The following TMC2 variants were observed in gnomAD, a reference collection of about 807,000 sequenced individuals.
TMC2 encodes transmembrane channel-like protein 2.
Under a neutral mutation model 105.9 loss-of-function variants are expected in TMC2, and 102 were observed. The observed-to-expected ratio is 0.96, with a 90% CI of 0.82 to 1.14. The LOEUF (loss-of-function observed/expected upper bound fraction) is 1.14. Among genes scored for constraint, TMC2 ranks in the 50% most tolerant of loss-of-function variants. TMC2 has a pLI of 0.00. For synonymous variants in TMC2, 402 were observed against 422.8 expected, an observed-to-expected ratio of 0.95 and a Z score of 0.60; for missense variants, 1,093 against 1,134.3, an observed-to-expected ratio of 0.96 and a Z score of 0.52.
At chr20:2,583,333 G>T (rs1272908227) in intron 7 of TMC2, among the ~76,000 whole-genome samples, 9 of 152,168 alleles carry the variant, frequency 5.9e-5, no homozygotes, top group Non-Finnish European at 4.4e-5. Context: ...TCTTGGTTTG[G>T]GTGCTTTAAT....
intron 12 of TMC2, among the ~76,000 whole-genome samples, chr20:2,611,741 CAGA>C (rs2086439717): frequency 6.6e-6 from 1 of 152,092 alleles, no homozygotes; most frequent in Non-Finnish European, 1.5e-5. Flanking sequence ...TTTATATGCA[CAGA>C]AGAAGCCCTG....
intron 2 of TMC2, among the ~76,000 whole-genome samples, chr20:2,551,830 A>T (rs779808567): frequency 8.5e-5 from 13 of 152,156 alleles, no homozygotes; most frequent in Non-Finnish European, 1.5e-4. Flanking sequence ...CATCCCATTG[A>T]TCTAATTCTC....
rs753655502 is a variant in TMC2 at position 2,624,347 on chromosome 20, G to T, written c.2257G>T (p.Ala753Ser). The change falls in exon 17 of 20, where the codon GCT (alanine) becomes TCT (serine). Residue 753 changes from alanine to serine, a missense_variant. By Grantham distance (99) the Ala-to-Ser change is moderately conservative. Transcript: ENST00000358864. ...CCCAACCTTCCTGGGCAAGATCTTTGCTTTCCTCGCCAATCCAGGCCTGAT... is the reference window on the plus strand; with the variant it reads ...CCCAACCTTCCTGGGCAAGATCTTTTCTTTCCTCGCCAATCCAGGCCTGAT... ...DFPTFLGKIF[A>S]FLANPGLIIP... 3.1e-6 allele frequency: 5 copies of T among 1,614,030 alleles called. No individual in the cohort carries two copies. Among genetic ancestry groups the T allele is most frequent in the Non-Finnish European group, 4.2e-6 (5 of 1,180,024 alleles).
chr20:2,538,178 G>A (rs778058608), intron 2 of TMC2, among the ~76,000 whole-genome samples: 5 of 151,932 alleles, frequency 3.3e-5, no homozygotes, highest in Non-Finnish European at 5.9e-5. Context: ...CTGCTGTCTG[G>A]TTGTCGGGAG....
Position 2,545,904 on chromosome 20 carries a change from GA to G in TMC2, c.82+8595del, listed in dbSNP as rs745736188. 4.1e-3 allele frequency among the ~76,000 whole-genome samples: 442 copies of G among 106,948 alleles called. 3 individuals carry two copies. Among genetic ancestry groups the G allele is most frequent in the African/African-American group, 0.015 (410 of 27,680 alleles). 70.2% of individuals were successfully genotyped at this position (106,948 alleles called of 152,430 possible). A position where few individuals can be genotyped will look rare whatever the true frequency, so the allele number is the denominator to read the frequency against. ...AAAAGAAAGAAATGAAAGAAAGAAAGAAAAAAAGAAAGAAATGAAAGAAAGA... is the reference window on the plus strand; with the variant it reads ...AAAAGAAAGAAATGAAAGAAAGAAAGAAAAAAGAAAGAAATGAAAGAAAGA... On this transcript the variant is annotated intron_variant, in intron 2 of 19. Coordinates refer to ENST00000358864, the MANE Select transcript of TMC2 (RefSeq NM_080751.3).
chr20:2,570,278 T>C (rs115864651), intron 4 of TMC2, among the ~76,000 whole-genome samples: 1,707 of 152,254 alleles, frequency 0.011, 33 homozygotes, highest in African/African-American at 0.039. Flanking sequence ...CTGGAATTGA[T>C]AAAAGACTTC....
chr20:2,613,225 T>C lies in TMC2; in HGVS notation c.1775T>C (p.Leu592Pro), dbSNP rs150900191. 134 of 1,614,008 alleles carry C rather than the reference T, an allele frequency of 8.3e-5. No homozygotes were observed. Among genetic ancestry groups the C allele is most frequent in the Non-Finnish European group, 1.1e-4 (132 of 1,179,886 alleles). ...EFMRLTVSDM[L>P]VTYITILLGD... ...ATGAGGCTGACGGTGTCTGACATGC[T>C]GGTAACGTACATCACCATCCTGCTG... Residue 592 changes from leucine to proline, a missense_variant, in exon 14 of 20, where the codon CTG becomes CCG. Leu to Pro is a moderately conservative substitution (Grantham distance 98). Transcript: ENST00000358864.
Position 2,558,494 on chromosome 20 carries a change from C to G in TMC2, c.121C>G (p.Leu41Val), listed in dbSNP as rs867124053. ...AAGGAGATCCTCAAGCAAGCGGGCT[C>G]TCAAAGCCGAGGGGACCCCAGGCAG... is the stretch of plus-strand genomic sequence containing the variant. ...LGRRSSSKRA[L>V]KAEGTPGRRG... Residue 41 changes from leucine to valine, a missense_variant, in exon 3 of 20, where the codon CTC (leucine) becomes GTC (valine). Physicochemically the swap from Leu to Val is conservative, Grantham distance 32 (BLOSUM62 1). Coordinates refer to ENST00000358864, the MANE Select transcript of TMC2 (RefSeq NM_080751.3). This position sits in a 1 kb window ranked among gnomAD's most constrained non-coding sequence, Gnocchi z 4.6. The G allele has an allele frequency of 3.2e-6, 5 of 1,558,948 alleles. No individual in the cohort carries two copies. The highest frequency in any genetic ancestry group is 4.3e-6 in the Non-Finnish European group (5 of 1,151,594).
intron 16 of TMC2, 76 bp downstream of exon 16, chr20:2,617,387 AG>A: frequency 6.4e-7 from 1 of 1,571,968 alleles, no homozygotes; most frequent in Non-Finnish European, 8.7e-7. Flanking sequence ...CCAGAATTCC[AG>A]TTCTGGTTTC....
At chr20:2,578,643 T>C (rs1178590787) in intron 5 of TMC2, among the ~76,000 whole-genome samples, 1 of 152,204 alleles carries the variant, frequency 6.6e-6, no homozygotes, top group African/African-American at 2.4e-5. Flanking sequence ...AGGAGAAGAA[T>C]GTTCAGCTAT....
chr20:2,640,821 CG>C (rs1005818034), intron 19 of TMC2, among the ~76,000 whole-genome samples: 4 of 152,150 alleles, frequency 2.6e-5, no homozygotes, highest in Non-Finnish European at 5.9e-5. Flanking sequence ...CTTTTGACCC[CG>C]GCAGTCACCC....
intron 5 of TMC2, among the ~76,000 whole-genome samples, chr20:2,573,298 T>C (rs2086116209): frequency 6.6e-6 from 1 of 152,122 alleles, no homozygotes; most frequent in Non-Finnish European, 1.5e-5. Context: ...CAATATTTAG[T>C]TTTCACATCT....
chr20:2,545,213 A>C (rs902279467), intron 2 of TMC2, among the ~76,000 whole-genome samples: 1 of 152,150 alleles, frequency 6.6e-6, no homozygotes, highest in Admixed American at 6.6e-5. Context: ...TCTCAAAAAT[A>C]AGTAAATACA....
At chr20:2,556,910 T>G (rs1004264140) in intron 2 of TMC2, among the ~76,000 whole-genome samples, 3 of 151,692 alleles carry the variant, frequency 2.0e-5, no homozygotes, top group Non-Finnish European at 4.4e-5. Context: ...ATCACTCTAC[T>G]CTCTTAACTT....
intron 7 of TMC2, among the ~76,000 whole-genome samples, chr20:2,584,317 G>A (rs1181946241): frequency 7.0e-6 from 1 of 143,088 alleles, no homozygotes; most frequent in Non-Finnish European, 1.5e-5. Context: ...AGTGGCGGGT[G>A]CCTGTGGTCC....
chr20:2,609,812 G>T (rs984955533), intron 11 of TMC2, among the ~76,000 whole-genome samples: 1 of 152,096 alleles, frequency 6.6e-6, no homozygotes, highest in Non-Finnish European at 1.5e-5. Context: ...GCAATTTGCA[G>T]GGATTTACTT....
intron 5 of TMC2, among the ~76,000 whole-genome samples, chr20:2,573,507 A>G (rs368516604): frequency 4.2e-5 from 6 of 142,834 alleles, no homozygotes; most frequent in African/African-American, 1.0e-4. Flanking sequence ...CTAATTTTAT[A>G]TCTGGTTCTC....
chr20:2,633,324 AT>A (rs201803991), intron 17 of TMC2, among the ~76,000 whole-genome samples: 1 of 65,516 alleles, frequency 1.5e-5, no homozygotes, highest in African/African-American at 4.8e-5. Context: ...TCTTGGACAC[AT>A]AAACAGCCCT....
intron 5 of TMC2, among the ~76,000 whole-genome samples, chr20:2,575,191 AT>A (rs146535694): frequency 0.033 from 4,990 of 152,080 alleles, 267 homozygotes; most frequent in African/African-American, 0.11. Flanking sequence ...GTTCAAGTAT[AT>A]TTTTTTTCTA....
Sources: allele counts gnomAD v4.1 joint callset (sites outside exome capture counted in the v4.1 genomes callset), GRCh38; gene constraint gnomAD v4.1.1; non-coding constraint Gnocchi (gnomAD v3.1); transcripts MANE v1.5; gene names NCBI Gene and HGNC (gene_info 2026-07-23, HGNC 2026-07-21).